Variants in ZFP14 observed in about 807,000 individuals in gnomAD.
ZFP14 encodes the protein ZFP14 zinc finger protein.
Under a neutral mutation model 54.5 loss-of-function variants are expected in ZFP14, and 22 were observed. The ratio of observed to expected loss-of-function variants is 0.40; its 90% CI spans 0.29 to 0.58. The LOEUF is 0.58. Among genes scored for constraint, ZFP14 ranks in the 20% least tolerant of loss-of-function variants. ZFP14 has a pLI of 0.39. For synonymous variants in ZFP14, 159 were observed against 204.0 expected, an observed-to-expected ratio of 0.78 and a Z score of 1.88; for missense variants, 470 against 637.8, an observed-to-expected ratio of 0.74 and a Z score of 2.83.
At chr19:36,367,765 T>G in intron 2 of ZFP14, 119 bp downstream of exon 2, 6 of 1,222,762 alleles carry the variant, frequency 4.9e-6, no homozygotes, top group Non-Finnish European at 6.8e-6. Flanking sequence ...CGTCCAGCCA[T>G]GGAGCAGGTT....
At chr19:36,359,326 T>A (rs890903786) in intron 4 of ZFP14, among the ~76,000 whole-genome samples, 2 of 152,336 alleles carry the variant, frequency 1.3e-5, no homozygotes, top group East Asian at 3.9e-4. Context: ...ATGCTTTTTT[T>A]GTAATGTCTT....
At chr19:36,352,362 C>T (rs1323569527) in intron 4 of ZFP14, among the ~76,000 whole-genome samples, 1 of 142,580 alleles carries the variant, frequency 7.0e-6, no homozygotes, top group African/African-American at 2.6e-5. Context: ...AATAAAAATG[C>T]TTGATTAATC....
In ZFP14 at chr19:36,350,740, AC is replaced by A. The variant is rs758050251; in HGVS notation, c.236-9151del. Among the ~76,000 whole-genome samples, 28 of 143,012 alleles carry A rather than the reference AC, an allele frequency of 2.0e-4. 4 individuals are homozygous for A. In the Middle Eastern group the frequency reaches 0.011, roughly 56 times the overall value. The allele number at this position is 143,012 out of a possible 152,430, so 93.8% of individuals were successfully genotyped here. A position where few individuals can be genotyped will look rare whatever the true frequency, so the allele number is the denominator to read the frequency against. Reference sequence around the variant, plus strand: ...ACTGCAATATAAAATTAGGCACACCACAGTAATCTGTTAAAAAAAAATCCAA... The same window carrying A: ...ACTGCAATATAAAATTAGGCACACCAAGTAATCTGTTAAAAAAAAATCCAA... On this transcript the variant is annotated intron_variant, in intron 4 of 4. Coordinates refer to ENST00000270001, the MANE Select transcript of ZFP14 (RefSeq NM_020917.3).
chr19:36,356,549 G>A (rs1163878417), intron 4 of ZFP14, among the ~76,000 whole-genome samples: 1 of 151,996 alleles, frequency 6.6e-6, no homozygotes, highest in African/African-American at 2.4e-5. Flanking sequence ...ATCACAGGTA[G>A]CCTCGCAAAA....
Position 36,360,441 on chromosome 19 carries a change from A to C in ZFP14, c.229T>G (p.Cys77Gly). The change falls in exon 4 of 5, where the codon TGC becomes GGC. Residue 77 changes from cysteine (C) to glycine (G), a missense_variant. Physicochemically the swap from Cys to Gly is radical, Grantham distance 159. Coordinates refer to ENST00000270001, the MANE Select transcript of ZFP14 (RefSeq NM_020917.3). ...CTGCTCAGCCCTCACTCACCAGGGC[A>C]GTATCTTCTTGTCCCTTCCCTCACA... Reference protein sequence around the residue: ...MVVREGTRRYCPDLESRYRTN... With the variant: ...MVVREGTRRYGPDLESRYRTN... 3 of 1,613,302 alleles carry C rather than the reference A, an allele frequency of 1.9e-6. No homozygotes were observed. The highest frequency in any genetic ancestry group is 2.5e-6 in the Non-Finnish European group (3 of 1,179,580).
chr19:36,335,013 T>C lies in ZFP14; in HGVS notation c.*5211A>G, dbSNP rs1293391182. 1 of 152,246 alleles carries C rather than the reference T, an allele frequency of 6.6e-6. No homozygotes were observed. The highest frequency in any genetic ancestry group is 2.4e-5 in the African/African-American group (1 of 41,440). The allele number at this position is 152,246 out of a possible 1,614,324, so 9.4% of individuals were successfully genotyped here. ...CCTCAGCCTCCCAAGTAGCTGGGAT[T>C]ACAGGTGCAAGCCACCACGCCCAGC... On this transcript the variant is annotated 3_prime_UTR_variant, in exon 5 of 5. Coordinates refer to ENST00000270001, the MANE Select transcript of ZFP14 (RefSeq NM_020917.3).
rs1380937216 is a variant in ZFP14 at position 36,350,767 on chromosome 19, A to G, written c.236-9177T>C. Among the ~76,000 whole-genome samples, 2 of 142,814 alleles carry G rather than the reference A, an allele frequency of 1.4e-5. 1 individual carries two copies. The highest frequency in any genetic ancestry group is 3.1e-5 in the Non-Finnish European group (2 of 64,516). 93.7% of individuals were successfully genotyped at this position (142,814 alleles called of 152,430 possible). ...AGTAATCTGTTAAAAAAAAATCCAA[A>G]AGCAGCTAACGGGAAAAAATACCTC... On this transcript the variant is annotated intron_variant, in intron 4 of 4. Coordinates refer to ENST00000270001, the MANE Select transcript of ZFP14 (RefSeq NM_020917.3).
intron 1 of ZFP14, among the ~76,000 whole-genome samples, chr19:36,372,442 A>C (rs548449991): frequency 3.9e-5 from 6 of 152,336 alleles, no homozygotes; most frequent in African/African-American, 1.4e-4. Flanking sequence ...CAACTGATAC[A>C]ACAGAAATAG....
At chr19:36,362,692 T>G (rs955179576) in intron 2 of ZFP14, 1 of 188,964 alleles carries the variant, frequency 5.3e-6, no homozygotes, top group Non-Finnish European at 1.1e-5. Flanking sequence ...TGATCAACAT[T>G]AGCAAGACCC....
chr19:36,349,250 A>C lies in ZFP14; in HGVS notation c.236-7660T>G, dbSNP rs1274017003. Among the ~76,000 whole-genome samples the C allele has an allele frequency of 5.1e-4, 35 of 68,856 alleles. 3 individuals carry two copies. In the East Asian group the frequency reaches 5.3e-3, roughly 10 times the overall value. 45.2% of individuals were successfully genotyped at this position (68,856 alleles called of 152,430 possible). A position where few individuals can be genotyped will look rare whatever the true frequency, so the allele number is the denominator to read the frequency against. On this transcript the variant is annotated intron_variant, in intron 4 of 4. Transcript: ENST00000270001. ...CTGTCTCAAAAAAAAAAACAAAAAA[A>C]AAAAAACAAAAAAAAAAAAACAGGA... is the stretch of plus-strand genomic sequence containing the variant.
chr19:36,341,129 A>G lies in ZFP14; in HGVS notation c.697T>C (p.Cys233Arg), dbSNP rs1422215296. ...TGEKPYECKE[C>R]GKAFTVLQEL... Reference sequence around the variant, plus strand: ...TGGAGCACTGTAAAGGCCTTCCCACACTCCTTACATTCATAGGGTTTCTCA... The same window carrying G: ...TGGAGCACTGTAAAGGCCTTCCCACGCTCCTTACATTCATAGGGTTTCTCA... The change falls in exon 5 of 5, where the codon TGT becomes CGT. Residue 233 changes from cysteine (C) to arginine (R), a missense_variant. Physicochemically the swap from Cys to Arg is radical, Grantham distance 180 (BLOSUM62 -3). Transcript: ENST00000270001. This position sits in a 1 kb window ranked among gnomAD's most constrained non-coding sequence, Gnocchi z 4.2. 1 of 1,613,800 alleles carries G rather than the reference A, an allele frequency of 6.2e-7. No homozygotes were observed. Among genetic ancestry groups the G allele is most frequent in the Non-Finnish European group, 8.5e-7 (1 of 1,179,926 alleles).
At chr19:36,375,837 G>A (rs1039720229) in intron 1 of ZFP14, among the ~76,000 whole-genome samples, 3 of 151,774 alleles carry the variant, frequency 2.0e-5, no homozygotes, top group Admixed American at 1.3e-4. Flanking sequence ...GATTACAGGC[G>A]TGAGCCACCG....
chr19:36,358,204 G>T (rs775719666), intron 4 of ZFP14, among the ~76,000 whole-genome samples: 1 of 151,126 alleles, frequency 6.6e-6, no homozygotes, highest in Non-Finnish European at 1.5e-5. Flanking sequence ...TCCGCCTCCC[G>T]GGTTCAACCA....
At chr19:36,372,995 C>T (rs1043865912) in intron 1 of ZFP14, among the ~76,000 whole-genome samples, 13 of 152,000 alleles carry the variant, frequency 8.6e-5, no homozygotes, top group African/African-American at 2.4e-4. Context: ...AAGTTGATCT[C>T]GACCAGGCGT....
chr19:36,366,834 C>T (rs536299282), intron 2 of ZFP14, among the ~76,000 whole-genome samples: 1 of 152,154 alleles, frequency 6.6e-6, no homozygotes, highest in South Asian at 2.1e-4. Flanking sequence ...CATTCCTCCA[C>T]AAAAAATTTC....
At chr19:36,377,450 G>C (rs1338248382) in intron 1 of ZFP14, among the ~76,000 whole-genome samples, 1 of 151,984 alleles carries the variant, frequency 6.6e-6, no homozygotes, top group Non-Finnish European at 1.5e-5. Flanking sequence ...AAGAGGCTGA[G>C]GTGGAAGGAT....
At chr19:36,369,007 T>C (rs78862276) in intron 1 of ZFP14, among the ~76,000 whole-genome samples, 1 of 152,070 alleles carries the variant, frequency 6.6e-6, no homozygotes, top group African/African-American at 2.4e-5. Flanking sequence ...CTAATTTTTA[T>C]ATTTTTATAT....
At chr19:36,370,647 G>A (rs2031864923) in intron 1 of ZFP14, among the ~76,000 whole-genome samples, 2 of 152,242 alleles carry the variant, frequency 1.3e-5, no homozygotes, top group South Asian at 2.1e-4. Context: ...CCTGGGCTTG[G>A]GGCATGCTAT....
rs374147775 is a variant in ZFP14, at chr19:36,340,509, A to C, written c.1317T>G (p.Leu439=). 1.9e-6 allele frequency: 3 copies of C among 1,614,012 alleles called. No individual in the cohort carries two copies. The highest frequency in any genetic ancestry group is 2.7e-5 in the African/African-American group (2 of 74,896). ...CAGTGTGAATACTTTGATGCTGAGT[A>C]AGTTGTGAGAGCAGTCTAAAGGCCT... ...CGKAFRLLSQ[L]TQHQSIHTGE... The change falls in exon 5 of 5, where the codon CTT becomes CTG. Residue 439 remains leucine, a synonymous_variant. Coordinates refer to ENST00000270001, the MANE Select transcript of ZFP14 (RefSeq NM_020917.3). The surrounding 1 kb of genome is among the most constrained non-coding windows in gnomAD (Gnocchi z 5.4).
Sources: allele counts gnomAD v4.1 joint callset (sites outside exome capture counted in the v4.1 genomes callset), GRCh38; gene constraint gnomAD v4.1.1; non-coding constraint Gnocchi (gnomAD v3.1); transcripts MANE v1.5; gene names NCBI Gene and HGNC (gene_info 2026-07-23, HGNC 2026-07-21).